BRWD1: variants seen among roughly 807,000 people sequenced by gnomAD.
BRWD1 encodes the protein bromodomain and WD repeat-containing protein 1.
A neutral mutation model predicts 251.2 loss-of-function variants in BRWD1; 82 were observed. That is an observed-to-expected ratio of 0.33 (90% CI 0.27 to 0.39). The LOEUF is 0.39. Ranked by LOEUF, BRWD1 falls within the 10% of genes least tolerant of loss-of-function variation. The pLI is 1.00. For missense variants in BRWD1, 2,233 were observed against 2,711.6 expected (o/e 0.82, Z 3.92); for synonymous variants, 918 against 902.8 (o/e 1.02, Z -0.30).
intron 15 of BRWD1, among the ~76,000 whole-genome samples, chr21:39,267,273 C>T (rs1251864149): frequency 6.6e-6 from 1 of 151,690 alleles, no homozygotes; most frequent in Non-Finnish European, 1.5e-5. Flanking sequence ...GCATCAGCAT[C>T]AATAGGATGC....
At chr21:39,232,105 A>T in intron 25 of BRWD1, 72 bp downstream of exon 25, 3 of 1,192,606 alleles carry the variant, frequency 2.5e-6, no homozygotes, top group East Asian at 4.8e-5. Flanking sequence ...ACAGGTTTTT[A>T]AATAGATTTG....
chr21:39,192,221 C>T lies in BRWD1; in HGVS notation c.*4038G>A, dbSNP rs911304162. On this transcript the variant is annotated 3_prime_UTR_variant, in exon 41 of 41. Transcript: ENST00000342449. ...TTTAACAGCCTTTAAAACTTAAAAT[C>T]GTAAGAAAAGACAACACAGCCCTTA... The T allele has an allele frequency of 1.6e-4, 158 of 983,204 alleles. No individual in the cohort carries two copies. The highest frequency in any genetic ancestry group is 1.9e-4 in the Admixed American group (3 of 15,860). The allele number at this position is 983,204 out of a possible 1,614,324, so 60.9% of individuals were successfully genotyped here. A position where few individuals can be genotyped will look rare whatever the true frequency, so the allele number is the denominator to read the frequency against.
chr21:39,269,743 T>C (rs2035042064), intron 15 of BRWD1, among the ~76,000 whole-genome samples, 156 bp downstream of exon 15: 2 of 152,186 alleles, frequency 1.3e-5, no homozygotes. Context: ...TGTACGTATA[T>C]ACATGTAGCT....
chr21:39,188,638 CTAA>C lies in BRWD1; in HGVS notation c.*7618_*7620del. 1.0e-6 allele frequency: 1 copy of C among 985,410 alleles called. No individual in the cohort carries two copies. The highest frequency in any genetic ancestry group is 1.2e-6 in the Non-Finnish European group (1 of 829,920). The allele number at this position is 985,410 out of a possible 1,614,324, so 61.0% of individuals were successfully genotyped here. A position where few individuals can be genotyped will look rare whatever the true frequency, so the allele number is the denominator to read the frequency against. On this transcript the variant is annotated 3_prime_UTR_variant, in exon 41 of 41. Coordinates refer to ENST00000342449, the MANE Select transcript of BRWD1 (RefSeq NM_033656.4). ...GGACTGACATGTTCATACAGCTAGA[CTAA>C]TGAGGCAGGCCTCTGCCCTCACAGT...
At chr21:39,199,846 G>A (rs182449548) in intron 39 of BRWD1, among the ~76,000 whole-genome samples, 184 bp from the exon 40 acceptor site, 1 of 152,160 alleles carries the variant, frequency 6.6e-6, no homozygotes, top group East Asian at 1.9e-4. Context: ...TGCCTCCTGG[G>A]TGCAAGCGAT....
chr21:39,295,631 C>T, intron 7 of BRWD1, 112 bp downstream of exon 7: 4 of 839,978 alleles, frequency 4.8e-6, no homozygotes, highest in Non-Finnish European at 7.0e-6. Context: ...ACCATACCTA[C>T]TGAGTCAAAA....
At chr21:39,185,177 C>G (rs954000738), downstream of BRWD1, 1 of 149,882 alleles carries the variant, frequency 6.7e-6, no homozygotes, top group African/African-American at 2.5e-5. Flanking sequence ...AATACTTAGC[C>G]AAAAAAGGAT....
In BRWD1 at chr21:39,193,280, TA is replaced by T; in HGVS notation, c.*2978del. 1 of 985,166 alleles carries T rather than the reference TA, an allele frequency of 1.0e-6. No individual in the cohort carries two copies. The highest frequency in any genetic ancestry group is 1.2e-6 in the Non-Finnish European group (1 of 829,722). The allele number at this position is 985,166 out of a possible 1,614,324, so 61.0% of individuals were successfully genotyped here. A position where few individuals can be genotyped will look rare whatever the true frequency, so the allele number is the denominator to read the frequency against. On this transcript the variant is annotated 3_prime_UTR_variant, in exon 41 of 41. Coordinates refer to ENST00000342449, the MANE Select transcript of BRWD1 (RefSeq NM_033656.4). The stretch of plus-strand genomic sequence containing the variant: ...CTATATCATTGTTTCCAAGGATTAA[TA>T]AACTGAGAAATGATTTAATCAGATA...
chr21:39,229,701 A>T (rs955110467), intron 25 of BRWD1, among the ~76,000 whole-genome samples: 5 of 152,208 alleles, frequency 3.3e-5, no homozygotes, highest in African/African-American at 1.2e-4. Context: ...CGCAATATCT[A>T]ACGACAATCA....
chr21:39,257,308 A>G (rs991228112), intron 18 of BRWD1, among the ~76,000 whole-genome samples: 5 of 152,006 alleles, frequency 3.3e-5, no homozygotes, highest in Non-Finnish European at 5.9e-5. Flanking sequence ...GCGTTTATGT[A>G]TCTTGTGCCT....
At chr21:39,301,988 T>TTTG (rs2036132827) in intron 4 of BRWD1, among the ~76,000 whole-genome samples, 3 of 139,118 alleles carry the variant, frequency 2.2e-5, no homozygotes, top group Admixed American at 2.2e-4. Flanking sequence ...GTTTTTTTTT[T>TTTG]TTTTTTTTTT....
intron 36 of BRWD1, 45 bp from the exon 37 acceptor site, chr21:39,206,319 A>T: frequency 7.4e-7 from 1 of 1,342,888 alleles, no homozygotes; most frequent in Non-Finnish European, 1.0e-6. Flanking sequence ...ATAGCCTTAA[A>T]AGTACTTAAG....
At chr21:39,265,097 A>G in intron 15 of BRWD1, 78 bp from the exon 16 acceptor site, 4 of 1,453,912 alleles carry the variant, frequency 2.8e-6, no homozygotes, top group Non-Finnish European at 3.7e-6. Flanking sequence ...TAATGTGGAT[A>G]ACCTGTGACA....
chr21:39,190,458 C>G lies in BRWD1; in HGVS notation c.*5801G>C, dbSNP rs2031494381. The G allele has an allele frequency of 1.9e-5, 19 of 985,304 alleles. No individual in the cohort carries two copies. The highest frequency in any genetic ancestry group is 2.3e-5 in the Non-Finnish European group (19 of 829,876). 61.0% of individuals were successfully genotyped at this position (985,304 alleles called of 1,614,324 possible). A position where few individuals can be genotyped will look rare whatever the true frequency, so the allele number is the denominator to read the frequency against. On this transcript the variant is annotated 3_prime_UTR_variant, in exon 41 of 41. Transcript: ENST00000342449. ...AGCCTCTTTCATAAACTCCTAGAAT[C>G]TTGACATTATTGGTTGCTGTGGTTG...
intron 12 of BRWD1, among the ~76,000 whole-genome samples, chr21:39,275,682 T>C (rs913496218): frequency 6.6e-6 from 1 of 152,172 alleles, no homozygotes; most frequent in Non-Finnish European, 1.5e-5. Context: ...TAAATATATA[T>C]TAAAACACCA....
rs374539502 is a variant in BRWD1 at position 39,185,681 on chromosome 21, T to A, written c.*10578A>T. ...CATGCAACCACAAATTTCTCAAGTA[T>A]TTTAGACACTTGGTTCATCTGTATA... On this transcript the variant is annotated 3_prime_UTR_variant, in exon 41 of 41. Transcript: ENST00000342449. 20 of 142,742 alleles carry A rather than the reference T, an allele frequency of 1.4e-4. No individual in the cohort carries two copies. Among genetic ancestry groups the A allele is most frequent in the African/African-American group, 5.0e-4 (19 of 37,748 alleles). 8.8% of individuals were successfully genotyped at this position (142,742 alleles called of 1,614,324 possible). A position where few individuals can be genotyped will look rare whatever the true frequency, so the allele number is the denominator to read the frequency against.
intron 15 of BRWD1, among the ~76,000 whole-genome samples, chr21:39,268,780 A>T (rs2035007777): frequency 6.6e-6 from 1 of 152,124 alleles, no homozygotes; most frequent in African/African-American, 2.4e-5. Context: ...AGGTCAAGAG[A>T]TGGAGACCAT....
rs765578262 is a variant in BRWD1, at chr21:39,228,481, T to C, written c.3208+19A>G. ...ATTAATTTTTAAGGGTATATAAAAC[T>C]TAGTAAGGATAGACTTACAAGACTG... On this transcript the variant is annotated intron_variant, in intron 27 of 40. Coordinates refer to ENST00000342449, the MANE Select transcript of BRWD1 (RefSeq NM_033656.4). 3.2e-6 allele frequency: 5 copies of C among 1,573,296 alleles called. No individual in the cohort carries two copies. The highest frequency in any genetic ancestry group is 3.5e-6 in the Non-Finnish European group (4 of 1,144,402).
Position 39,191,554 on chromosome 21 carries a change from G to A in BRWD1, c.*4705C>T. ...TGGAAAACTAAAGATCTGCTTGACA[G>A]GCTCATGTAATTTTTTGATTGGGAT... is the stretch of plus-strand genomic sequence containing the variant. On this transcript the variant is annotated 3_prime_UTR_variant, in exon 41 of 41. Transcript: ENST00000342449. 1 of 983,118 alleles carries A rather than the reference G, an allele frequency of 1.0e-6. No individual in the cohort carries two copies. Among genetic ancestry groups the A allele is most frequent in the Non-Finnish European group, 1.2e-6 (1 of 827,946 alleles). 60.9% of individuals were successfully genotyped at this position (983,118 alleles called of 1,614,324 possible).
Sources: gnomAD v4.1 joint callset for allele counts (sites outside exome capture counted in the v4.1 genomes callset) on GRCh38, gnomAD v4.1.1 for gene constraint, MANE v1.5 for transcripts, NCBI Gene and HGNC (gene_info 2026-07-23, HGNC 2026-07-21) for gene names.